LRFN5: variants seen among roughly 807,000 people sequenced by gnomAD.
The protein encoded by LRFN5 is leucine-rich repeat and fibronectin type-III domain-containing protein 5.
LRFN5 carries 24 observed loss-of-function variants against 45.6 expected under a neutral mutation model. That is an observed-to-expected ratio of 0.53 (90% CI 0.38 to 0.74). The LOEUF is 0.74. Ranked by LOEUF, LRFN5 falls within the 30% of genes least tolerant of loss-of-function variation. The pLI, the probability that LRFN5 is intolerant of heterozygous loss-of-function variation, is 0.00. For missense variants in LRFN5, 776 were observed against 861.5 expected, an observed-to-expected ratio of 0.90 and a Z score of 1.24; for synonymous variants, 340 against 313.8, an observed-to-expected ratio of 1.08 and a Z score of -0.88.
At chr14:41,867,076 T>C (rs1162609485) in intron 2 of LRFN5, among the ~76,000 whole-genome samples, 1 of 152,138 alleles carries the variant, frequency 6.6e-6, no homozygotes, top group Non-Finnish European at 1.5e-5. Context: ...AACCTTTAAT[T>C]ATATACATTA....
intron 2 of LRFN5, among the ~76,000 whole-genome samples, chr14:41,848,757 T>C (rs1889158689): frequency 6.6e-6 from 1 of 152,084 alleles, no homozygotes; most frequent in South Asian, 2.1e-4. Flanking sequence ...CTTTTCTGCT[T>C]TATTCAGTTC....
intron 1 of LRFN5, among the ~76,000 whole-genome samples, chr14:41,611,005 G>A (rs964810704): frequency 3.3e-5 from 5 of 152,206 alleles, no homozygotes; most frequent in Admixed American, 3.3e-4. Context: ...GGTGAATATA[G>A]GTACTTGGAA....
intron 2 of LRFN5, among the ~76,000 whole-genome samples, chr14:41,830,779 C>T (rs1302302343): frequency 6.6e-6 from 1 of 152,070 alleles, no homozygotes; most frequent in Non-Finnish European, 1.5e-5. Flanking sequence ...TGCTCTGTCT[C>T]CTGGTGGGCC....
At chr14:41,876,288 T>C (rs1290031521) in intron 2 of LRFN5, among the ~76,000 whole-genome samples, 1 of 136,584 alleles carries the variant, frequency 7.3e-6, no homozygotes, top group Non-Finnish European at 1.6e-5. Flanking sequence ...TTTTTTTTTT[T>C]TTTTTTTTTT....
At chr14:41,625,505 A>G (rs1888297511) in intron 1 of LRFN5, among the ~76,000 whole-genome samples, 1 of 152,154 alleles carries the variant, frequency 6.6e-6, no homozygotes, top group Admixed American at 6.6e-5. Context: ...ACCAAGCCTC[A>G]GCTATTTCTT....
At chr14:41,734,607 TA>T (rs903268079) in intron 1 of LRFN5, among the ~76,000 whole-genome samples, 2 of 151,284 alleles carry the variant, frequency 1.3e-5, no homozygotes, top group African/African-American at 2.4e-5. Flanking sequence ...TCTTTTTTTT[TA>T]ATCCACTCAG....
intron 2 of LRFN5, among the ~76,000 whole-genome samples, chr14:41,776,903 A>G (rs1886311701): frequency 1.3e-5 from 2 of 151,998 alleles, no homozygotes; most frequent in South Asian, 4.1e-4. Flanking sequence ...GTACAGTTCC[A>G]TTTATGTTTT....
At chr14:41,869,084 A>G (rs1278307517) in intron 2 of LRFN5, among the ~76,000 whole-genome samples, 1 of 152,152 alleles carries the variant, frequency 6.6e-6, no homozygotes, top group African/African-American at 2.4e-5. Flanking sequence ...TGTCAACATT[A>G]TGCTTACAAG....
At chr14:41,862,525 A>G (rs1242531584) in intron 2 of LRFN5, among the ~76,000 whole-genome samples, 1 of 152,084 alleles carries the variant, frequency 6.6e-6, no homozygotes, top group Non-Finnish European at 1.5e-5. Context: ...ATTCCCATAC[A>G]TATCTTTTAG....
intron 1 of LRFN5, among the ~76,000 whole-genome samples, chr14:41,618,799 A>G (rs1888010081): frequency 6.6e-6 from 1 of 152,172 alleles, no homozygotes; most frequent in African/African-American, 2.4e-5. Flanking sequence ...TTTTCAACAA[A>G]TATTTGTTAA....
intron 1 of LRFN5, among the ~76,000 whole-genome samples, chr14:41,721,740 T>C (rs569687489): frequency 3.3e-5 from 5 of 152,186 alleles, no homozygotes; most frequent in African/African-American, 1.2e-4. Flanking sequence ...AGTCTCCCGT[T>C]AGCCTGATGG....
intron 2 of LRFN5, among the ~76,000 whole-genome samples, chr14:41,776,211 T>G (rs1414139292): frequency 6.6e-6 from 1 of 152,192 alleles, no homozygotes; most frequent in Non-Finnish European, 1.5e-5. Flanking sequence ...TCCTAAATAT[T>G]TGGGGACAAA....
chr14:41,715,208 A>G (rs559356131), intron 1 of LRFN5, among the ~76,000 whole-genome samples: 1 of 152,342 alleles, frequency 6.6e-6, no homozygotes, highest in African/African-American at 2.4e-5. Context: ...AGACTGCATT[A>G]CCATTTTGAA....
At chr14:41,783,126 G>A (rs1240492669) in intron 2 of LRFN5, among the ~76,000 whole-genome samples, 4 of 151,968 alleles carry the variant, frequency 2.6e-5, no homozygotes, top group Non-Finnish European at 5.9e-5. Flanking sequence ...GTATATTTCA[G>A]AATGGTTACT....
intron 1 of LRFN5, among the ~76,000 whole-genome samples, chr14:41,734,316 T>TTATATATATATATGTATATATA (rs1555358692): frequency 1.5e-4 from 6 of 38,796 alleles, no homozygotes; most frequent in Non-Finnish European, 2.7e-4. Flanking sequence ...TGGACTGGTT[T>TTATATATATATATGTATATATA]TATATATATA....
At chr14:41,676,878 G>A (rs1248286294) in intron 1 of LRFN5, among the ~76,000 whole-genome samples, 2 of 152,174 alleles carry the variant, frequency 1.3e-5, no homozygotes, top group Admixed American at 6.5e-5. Context: ...TTCTCAAGCT[G>A]TACCTTCTTG....
At chr14:41,663,054 G>A (rs1262418799) in intron 1 of LRFN5, among the ~76,000 whole-genome samples, 1 of 152,066 alleles carries the variant, frequency 6.6e-6, no homozygotes, top group African/African-American at 2.4e-5. Context: ...CTTAGGATCT[G>A]CTAAGAACTG....
intron 1 of LRFN5, among the ~76,000 whole-genome samples, chr14:41,663,756 C>T (rs1427261402): frequency 1.3e-5 from 2 of 151,818 alleles, no homozygotes; most frequent in Non-Finnish European, 2.9e-5. Context: ...AACCTGGTCT[C>T]ACAAAGGGGA....
intron 2 of LRFN5, among the ~76,000 whole-genome samples, chr14:41,861,378 T>A: frequency 6.6e-6 from 1 of 152,346 alleles, no homozygotes; most frequent in South Asian, 2.1e-4. Flanking sequence ...CCCTACTACT[T>A]GTTTATATGC....
Sources: allele counts gnomAD v4.1 joint callset (sites outside exome capture counted in the v4.1 genomes callset), GRCh38; gene constraint gnomAD v4.1.1; transcripts MANE v1.5; gene names NCBI Gene and HGNC (gene_info 2026-07-23, HGNC 2026-07-21).